Variants in HEXD observed in about 807,000 individuals in gnomAD.
The protein encoded by HEXD is hexosaminidase D, also known as N-acetyl-beta-galactosaminidase.
HEXD carries 47 observed loss-of-function variants against 54.2 expected under a neutral mutation model. The ratio of observed to expected loss-of-function variants is 0.87; its 90% CI spans 0.69 to 1.11. The LOEUF is 1.11. HEXD is among the 50% of genes least tolerant of loss of function. The pLI is 0.00. For missense variants in HEXD, 576 were observed against 649.2 expected (o/e 0.89, Z 1.23); for synonymous variants, 293 against 287.6 (o/e 1.02, Z -0.19).
chr17:82,439,857 C>A, intron 9 of HEXD, 144 bp downstream of exon 9: 1 of 1,544,566 alleles, frequency 6.5e-7, no homozygotes, highest in African/African-American at 1.4e-5. Context: ...CGCCCCAGCT[C>A]AGCCACCCAC....
At position 82,435,972 on chromosome 17, in the gene HEXD, G is replaced by C. The variant is rs2143577042; in HGVS notation, c.631+100G>C. 4.1e-6 allele frequency: 5 copies of C among 1,219,472 alleles called. No homozygotes were observed. In the South Asian group the frequency reaches 4.3e-5, roughly 11 times the overall value. 75.5% of individuals were successfully genotyped at this position (1,219,472 alleles called of 1,614,324 possible). A position where few individuals can be genotyped will look rare whatever the true frequency, so the allele number is the denominator to read the frequency against. On this transcript the variant is annotated intron_variant, in intron 6 of 12. Coordinates refer to ENST00000327949, the MANE Select transcript of HEXD (RefSeq NM_001330542.2). ...CTGTAGGAAGTGGGCCCCAGGGTGAGCCCCAGCCCCGCACAGACCCGCCAC... is the reference window on the plus strand; with the variant it reads ...CTGTAGGAAGTGGGCCCCAGGGTGACCCCCAGCCCCGCACAGACCCGCCAC...
chr17:82,441,368 G>C, intron 11 of HEXD, 102 bp downstream of exon 11: 1 of 1,301,322 alleles, frequency 7.7e-7, no homozygotes, highest in Non-Finnish European at 1.0e-6. Flanking sequence ...CGGGTGAGGG[G>C]CAGGTGCAGG....
rs950581829 is a variant in HEXD at position 82,418,396 on chromosome 17, C to T, written c.-396C>T. The T allele has an allele frequency of 8.8e-6, 13 of 1,472,800 alleles. No individual in the cohort carries two copies. Among genetic ancestry groups the T allele is most frequent in the Admixed American group, 4.5e-5 (2 of 44,334 alleles). The allele number at this position is 1,472,800 out of a possible 1,614,324, so 91.2% of individuals were successfully genotyped here. A position where few individuals can be genotyped will look rare whatever the true frequency, so the allele number is the denominator to read the frequency against. ...TCCGCCGCCGCAGCGCGCGCCCTTC[C>T]CCTCCTCACCGCTACCTGCTCCGGT... On this transcript the variant is annotated 5_prime_UTR_variant, in exon 1 of 13. Coordinates refer to ENST00000327949, the MANE Select transcript of HEXD (RefSeq NM_001330542.2).
At position 82,439,612 on chromosome 17, in the gene HEXD, G is replaced by A. The variant is rs748273683; in HGVS notation, c.900-19G>A. 1.3e-6 allele frequency: 2 copies of A among 1,524,456 alleles called. No homozygotes were observed. The highest frequency in any genetic ancestry group is 1.4e-5 in the African/African-American group (1 of 73,270). 94.4% of individuals were successfully genotyped at this position (1,524,456 alleles called of 1,614,324 possible). A position where few individuals can be genotyped will look rare whatever the true frequency, so the allele number is the denominator to read the frequency against. On this transcript the variant is annotated intron_variant, in intron 8 of 12. Transcript: ENST00000327949. ...CTGGGGGCGGGCTGCGGAGCTAAGC[G>A]CCCCTCTCATGGACCCAGGTACGAC...
At chr17:82,433,074 A>AAAG (rs1313227909) in intron 4 of HEXD, among the ~76,000 whole-genome samples, 5 of 22,664 alleles carry the variant, frequency 2.2e-4, no homozygotes, top group African/African-American at 1.1e-3. Flanking sequence ...TCAAAAAAAA[A>AAAG]AAGAAAAAAA....
intron 4 of HEXD, among the ~76,000 whole-genome samples, chr17:82,431,394 C>T (rs943519993): frequency 9.9e-5 from 15 of 151,152 alleles, no homozygotes; most frequent in African/African-American, 3.7e-4. Flanking sequence ...CTTCTGGGCT[C>T]AGGTGATCTT....
chr17:82,432,711 G>C (rs1465840361), intron 4 of HEXD, among the ~76,000 whole-genome samples: 1 of 151,876 alleles, frequency 6.6e-6, no homozygotes, highest in African/African-American at 2.4e-5. Context: ...CAAGTAGCTG[G>C]ACCACAGGCA....
At chr17:82,435,563 G>C in intron 5 of HEXD, 126 bp from the exon 6 acceptor site, 1 of 887,824 alleles carries the variant, frequency 1.1e-6, no homozygotes, top group Non-Finnish European at 1.7e-6. Flanking sequence ...CAAAGGCTCC[G>C]AGCCCCTCCC....
chr17:82,436,012 T>G (rs1304951877), intron 6 of HEXD, 140 bp downstream of exon 6: 5 of 810,382 alleles, frequency 6.2e-6, no homozygotes, highest in Non-Finnish European at 7.7e-6. Flanking sequence ...ACCTCCTGCA[T>G]CCCCTTGACG....
intron 9 of HEXD, chr17:82,440,304 GCGCGGCGGC>G (rs1386762109): frequency 7.9e-7 from 1 of 1,264,202 alleles, no homozygotes; most frequent in African/African-American, 1.5e-5. Flanking sequence ...GGACCCGCAG[GCGCGGCGGC>G]CCAGGGACGG....
intron 3 of HEXD, chr17:82,427,450 A>G (rs1048163625): frequency 3.3e-5 from 5 of 152,246 alleles, no homozygotes; most frequent in African/African-American, 1.2e-4. Flanking sequence ...AAATGCCTGC[A>G]CCCCATGCAG....
chr17:82,428,666 T>G, intron 4 of HEXD, 21 bp downstream of exon 4: 2 of 1,605,016 alleles, frequency 1.2e-6, no homozygotes, highest in Non-Finnish European at 1.7e-6. Context: ...GAAATGGAAG[T>G]TACCTGGTGC....
At position 82,441,209 on chromosome 17, in the gene HEXD, T is replaced by C. The variant is rs986188591; in HGVS notation, c.1106T>C (p.Val369Ala). Residue 369 changes from valine to alanine, a missense_variant, in exon 11 of 13, where the codon GTC becomes GCC. By Grantham distance (64) the Val-to-Ala change is moderately conservative. Coordinates refer to ENST00000327949, the MANE Select transcript of HEXD (RefSeq NM_001330542.2). The stretch of plus-strand genomic sequence containing the variant: ...CCTGGCAGCAACATCCTTGCCCTTG[T>C]CACACAAGTCAGCCTCCATCTGCGC... The part of the protein sequence containing the change: ...SFPGSNILAL[V>A]TQVSLHLRSS... 1 of 1,612,958 alleles carries C rather than the reference T, an allele frequency of 6.2e-7. No individual in the cohort carries two copies. The highest frequency in any genetic ancestry group is 1.3e-5 in the African/African-American group (1 of 74,888).
At chr17:82,438,428 CTG>C (rs2053835964) in intron 8 of HEXD, among the ~76,000 whole-genome samples, 1 of 152,192 alleles carries the variant, frequency 6.6e-6, no homozygotes, top group African/African-American at 2.4e-5. Flanking sequence ...TGTAAAAATC[CTG>C]TGACTGTGGG....
chr17:82,433,319 G>A (rs1008735106), intron 4 of HEXD, among the ~76,000 whole-genome samples: 1 of 150,414 alleles, frequency 6.6e-6, no homozygotes, highest in Non-Finnish European at 1.5e-5. Context: ...GCACATGCCT[G>A]TAATCCCCAG....
intron 2 of HEXD, among the ~76,000 whole-genome samples, chr17:82,421,757 C>T (rs138809840): frequency 0.011 from 1,712 of 152,128 alleles, 21 homozygotes; most frequent in Middle Eastern, 0.024. Flanking sequence ...ACTCAGGAGG[C>T]AGAGGTTGCA....
intron 4 of HEXD, among the ~76,000 whole-genome samples, chr17:82,431,097 A>G (rs2053563532): frequency 6.6e-6 from 1 of 151,004 alleles, no homozygotes; most frequent in Non-Finnish European, 1.5e-5. Flanking sequence ...TTCTGGGCTC[A>G]AGCTTCTGGG....
In HEXD at chr17:82,441,240, TG is replaced by T; in HGVS notation, c.1138del (p.Val380TrpfsTer177). Reference sequence around the variant, plus strand: ...AAGTCAGCCTCCATCTGCGCAGCTCTGTGGATGCGCTGCTGGAGGGCAACAG... The same window carrying T: ...AAGTCAGCCTCCATCTGCGCAGCTCTTGGATGCGCTGCTGGAGGGCAACAG... ...TQVSLHLRSS[V>X]DALLEGNRYV... On this transcript the variant is annotated frameshift_variant, in exon 11 of 13. Transcript: ENST00000327949. LOFTEE classifies it high-confidence loss of function. 1 of 1,609,596 alleles carries T rather than the reference TG, an allele frequency of 6.2e-7. No homozygotes were observed. The highest frequency in any genetic ancestry group is 8.5e-7 in the Non-Finnish European group (1 of 1,178,472).
intron 2 of HEXD, chr17:82,423,747 A>C (rs1361909079): frequency 1.4e-5 from 2 of 141,630 alleles, no homozygotes; most frequent in African/African-American, 2.7e-5. Context: ...CGGGAGGCAG[A>C]GGTTGCAACG....
Sources: gnomAD v4.1 joint callset for allele counts (sites outside exome capture counted in the v4.1 genomes callset) on GRCh38, gnomAD v4.1.1 for gene constraint, MANE v1.5 for transcripts, NCBI Gene and HGNC (gene_info 2026-07-23, HGNC 2026-07-21) for gene names.